DENND4C: variants seen among roughly 807,000 people sequenced by gnomAD.
DENND4C encodes DENN domain containing 4C.
In DENND4C, 108 loss-of-function variants were observed where a neutral mutation model predicts 203.0. That is an observed-to-expected ratio of 0.53 (90% confidence interval 0.46 to 0.62). The LOEUF (loss-of-function observed/expected upper bound fraction) is 0.62, where lower values mean the gene tolerates loss of function less well. Ranked by LOEUF, DENND4C falls within the 20% of genes least tolerant of loss-of-function variation. DENND4C has a pLI of 0.00. For synonymous variants in DENND4C, 871 were observed against 792.4 expected (o/e 1.10, Z -1.67); for missense variants, 2,481 against 2,301.2 (o/e 1.08, Z -1.60).
At chr9:19,295,904 A>G (rs2131255805) in intron 5 of DENND4C, 104 bp from the exon 6 acceptor site, 4 of 858,758 alleles carry the variant, frequency 4.7e-6, no homozygotes, top group African/African-American at 1.7e-5. Flanking sequence ...ATTTATCTGT[A>G]TAAGTGTACT....
intron 1 of DENND4C, among the ~76,000 whole-genome samples, chr9:19,275,540 C>T (rs922552332): frequency 2.9e-4 from 44 of 151,346 alleles, no homozygotes; most frequent in African/African-American, 7.8e-4. Flanking sequence ...GAGCAATCTC[C>T]GCTCACTGCA....
At chr9:19,239,922 A>G (rs534061925) in intron 1 of DENND4C, among the ~76,000 whole-genome samples, 1 of 152,178 alleles carries the variant, frequency 6.6e-6, no homozygotes. Context: ...AATAACAATT[A>G]TGTCAAGTTG....
chr9:19,278,083 T>G (rs952216328), intron 2 of DENND4C, among the ~76,000 whole-genome samples: 1 of 144,970 alleles, frequency 6.9e-6, no homozygotes, highest in Non-Finnish European at 1.5e-5. Context: ...TCTTTTTTTT[T>G]TTTTTTTGAA....
At chr9:19,357,874 C>G (rs1180475826) in intron 27 of DENND4C, 91 bp from the exon 28 acceptor site, 4 of 1,027,042 alleles carry the variant, frequency 3.9e-6, no homozygotes, top group Non-Finnish European at 5.5e-6. Flanking sequence ...ATTTAGTAGA[C>G]TCAAGGTCCA....
chr9:19,280,339 G>A (rs929599166), intron 2 of DENND4C, among the ~76,000 whole-genome samples: 8 of 152,110 alleles, frequency 5.3e-5, no homozygotes, highest in Non-Finnish European at 1.2e-4. Flanking sequence ...TAGAGACGGG[G>A]TTTCACCATG....
intron 18 of DENND4C, among the ~76,000 whole-genome samples, chr9:19,335,475 G>A (rs1820240737): frequency 6.6e-6 from 1 of 152,010 alleles, no homozygotes. Context: ...CTGAAGTTTT[G>A]TATCCTTTGA....
intron 6 of DENND4C, among the ~76,000 whole-genome samples, chr9:19,296,886 C>T (rs1419159612): frequency 6.6e-6 from 1 of 152,206 alleles, no homozygotes; most frequent in African/African-American, 2.4e-5. Flanking sequence ...TAATACCTCT[C>T]TAAAGTGATG....
chr9:19,335,767 A>G (rs1820324403), intron 18 of DENND4C, among the ~76,000 whole-genome samples: 1 of 152,112 alleles, frequency 6.6e-6, no homozygotes, highest in African/African-American at 2.4e-5. Flanking sequence ...ATTGATAAAC[A>G]CTTAGGTTGA....
chr9:19,315,727 A>G (rs922377851), intron 10 of DENND4C, among the ~76,000 whole-genome samples: 28 of 149,948 alleles, frequency 1.9e-4, no homozygotes, highest in Admixed American at 2.7e-4. Context: ...TCTTTTTGAG[A>G]CATAGTCTTG....
chr9:19,303,122 T>A (rs1838936291), intron 9 of DENND4C, among the ~76,000 whole-genome samples: 1 of 152,126 alleles, frequency 6.6e-6, no homozygotes, highest in African/African-American at 2.4e-5. Flanking sequence ...GTTTGCAGAA[T>A]ACATGCTGGT....
intron 21 of DENND4C, 137 bp from the exon 22 acceptor site, chr9:19,342,496 A>G (rs374524121): frequency 7.2e-6 from 6 of 829,802 alleles, no homozygotes; most frequent in African/African-American, 5.3e-5. Flanking sequence ...GACACAGTCT[A>G]TTTTACTTTG....
intron 26 of DENND4C, among the ~76,000 whole-genome samples, chr9:19,355,349 GT>G (rs1256054474): frequency 6.6e-6 from 1 of 152,046 alleles, no homozygotes; most frequent in Non-Finnish European, 1.5e-5. Flanking sequence ...TTGGAATCTT[GT>G]TTTTAAAGTT....
At chr9:19,334,359 T>G (rs1270011577) in intron 17 of DENND4C, among the ~76,000 whole-genome samples, 16 of 152,054 alleles carry the variant, frequency 1.1e-4, no homozygotes, top group Admixed American at 1.0e-3. Context: ...CCTCTATCCT[T>G]GATTTTAGAA....
chr9:19,310,832 C>T (rs1338139153), intron 10 of DENND4C, among the ~76,000 whole-genome samples: 2 of 151,960 alleles, frequency 1.3e-5, no homozygotes, highest in Admixed American at 6.6e-5. Flanking sequence ...TTGAGATGAG[C>T]ATTTTCTCCT....
chr9:19,299,646 G>C (rs1435581421), intron 8 of DENND4C, among the ~76,000 whole-genome samples: 2 of 151,984 alleles, frequency 1.3e-5, no homozygotes, highest in Non-Finnish European at 2.9e-5. Flanking sequence ...CATCATAGTA[G>C]GCTTCCTTGA....
At chr9:19,313,159 A>G (rs1334760148) in intron 10 of DENND4C, among the ~76,000 whole-genome samples, 1 of 151,966 alleles carries the variant, frequency 6.6e-6, no homozygotes, top group East Asian at 1.9e-4. Context: ...TGTTCCTTTA[A>G]TGATTCCTCT....
intron 10 of DENND4C, among the ~76,000 whole-genome samples, chr9:19,314,518 C>T (rs1216760216): frequency 1.3e-5 from 2 of 152,066 alleles, no homozygotes; most frequent in East Asian, 3.9e-4. Context: ...CACTAAAGAA[C>T]TAATTCATGT....
chr9:19,283,608 T>TTG (rs1834568310), intron 2 of DENND4C, among the ~76,000 whole-genome samples: 1 of 109,884 alleles, frequency 9.1e-6, no homozygotes, highest in South Asian at 3.8e-4. Flanking sequence ...TCTTTTTTCT[T>TTG]TCTTTTTTTT....
In DENND4C at chr9:19,305,390, C is replaced by G. The variant is rs762563720; in HGVS notation, c.1350C>G (p.Pro450=). 10 of 1,613,526 alleles carry G rather than the reference C, an allele frequency of 6.2e-6. No homozygotes were observed. Among genetic ancestry groups the G allele is most frequent in the Non-Finnish European group, 8.5e-6 (10 of 1,179,692 alleles). The part of the protein sequence containing the change: ...FPFQWQCPYI[P]LCPLSLAAVL... ...TTCAGTGGCAATGCCCATATATTCC[C>G]CTTTGTCCTCTTTCACTGGCTGCAG... The change falls in exon 10 of 33, where the codon CCC becomes CCG. Residue 450 remains proline, a synonymous_variant. Coordinates refer to ENST00000434457, the MANE Select transcript of DENND4C (RefSeq NM_001330640.2).
Sources: gnomAD v4.1 joint callset for allele counts (sites outside exome capture counted in the v4.1 genomes callset) on GRCh38, gnomAD v4.1.1 for gene constraint, MANE v1.5 for transcripts, NCBI Gene and HGNC (gene_info 2026-07-23, HGNC 2026-07-21) for gene names.